HS6ST3: variants seen among roughly 807,000 people sequenced by gnomAD.
The protein encoded by HS6ST3 is heparan sulfate 6-O-sulfotransferase 3.
A neutral mutation model predicts 36.7 loss-of-function variants in HS6ST3; 12 were observed. The observed-to-expected ratio is 0.33, with a 90% CI of 0.21 to 0.53. The LOEUF (loss-of-function observed/expected upper bound fraction) is 0.53, where lower values mean the gene tolerates loss of function less well. Ranked by LOEUF, HS6ST3 falls within the 20% of genes least tolerant of loss-of-function variation. The probability of loss-of-function intolerance (pLI) is 0.95; values close to 1 mark genes in which losing one functional copy is unlikely to be tolerated. For missense variants in HS6ST3, 584 were observed against 640.9 expected (o/e 0.91, Z 0.96); for synonymous variants, 240 against 257.5 (o/e 0.93, Z 0.65).
intron 1 of HS6ST3, among the ~76,000 whole-genome samples, chr13:96,380,024 G>A (rs2055333355): frequency 6.6e-6 from 1 of 152,148 alleles, no homozygotes; most frequent in Non-Finnish European, 1.5e-5. Context: ...AAACTGCTTT[G>A]AGAGAAAGGC....
chr13:96,254,496 T>TATATATAC, intron 1 of HS6ST3, among the ~76,000 whole-genome samples: 1 of 21,892 alleles, frequency 4.6e-5, no homozygotes, highest in African/African-American at 1.7e-4. Flanking sequence ...TATATATATA[T>TATATATAC]ATACACATAC....
At chr13:96,217,562 T>C (rs927608821) in intron 1 of HS6ST3, among the ~76,000 whole-genome samples, 1 of 152,184 alleles carries the variant, frequency 6.6e-6, no homozygotes, top group African/African-American at 2.4e-5. Flanking sequence ...TCTCTCTCTC[T>C]GTCCATCCAT....
At chr13:96,141,873 T>C (rs2054033477) in intron 1 of HS6ST3, among the ~76,000 whole-genome samples, 1 of 152,014 alleles carries the variant, frequency 6.6e-6, no homozygotes, top group African/African-American at 2.4e-5. Context: ...TCTAGAAGGG[T>C]GACATCTTTG....
intron 1 of HS6ST3, among the ~76,000 whole-genome samples, chr13:96,664,454 A>G (rs914942866): frequency 1.3e-5 from 2 of 152,156 alleles, no homozygotes; most frequent in African/African-American, 4.8e-5. Context: ...TATCCAAGCC[A>G]ATATAGATCA....
At position 96,834,662 on chromosome 13, in the gene HS6ST3, A is replaced by G. The variant is rs1878882479; in HGVS notation, c.*1464A>G. The stretch of plus-strand genomic sequence containing the variant: ...CTGATCAATCCCTTCAAGGAGCTGA[A>G]GGCAAAATGTGTAAAACCCCTAAAT... On this transcript the variant is annotated 3_prime_UTR_variant, in exon 2 of 2. Transcript: ENST00000376705. 1 of 152,632 alleles carries G rather than the reference A, an allele frequency of 6.6e-6. No homozygotes were observed. The allele number at this position is 152,632 out of a possible 1,614,324, so 9.5% of individuals were successfully genotyped here. A position where few individuals can be genotyped will look rare whatever the true frequency, so the allele number is the denominator to read the frequency against.
At chr13:96,387,705 G>A (rs369847854) in intron 1 of HS6ST3, among the ~76,000 whole-genome samples, 47 of 152,162 alleles carry the variant, frequency 3.1e-4, no homozygotes, top group African/African-American at 1.1e-3. Flanking sequence ...TTACCCCAAG[G>A]CTGCAAATAT....
At chr13:96,226,555 A>C (rs2054481764) in intron 1 of HS6ST3, among the ~76,000 whole-genome samples, 3 of 152,166 alleles carry the variant, frequency 2.0e-5, no homozygotes, top group Admixed American at 2.0e-4. Context: ...AGAAATTAAG[A>C]CATTATAATA....
At chr13:96,257,287 G>A (rs2054641894) in intron 1 of HS6ST3, among the ~76,000 whole-genome samples, 1 of 152,152 alleles carries the variant, frequency 6.6e-6, no homozygotes, top group Admixed American at 6.5e-5. Context: ...TGCAGGAAAA[G>A]TTTAATTCCA....
chr13:96,534,332 G>A (rs1177420130), intron 1 of HS6ST3, among the ~76,000 whole-genome samples: 1 of 152,132 alleles, frequency 6.6e-6, no homozygotes, highest in African/African-American at 2.4e-5. Context: ...TATACTGGCT[G>A]TATTATTAAA....
intron 1 of HS6ST3, among the ~76,000 whole-genome samples, chr13:96,233,203 C>T (rs1348840016): frequency 1.3e-5 from 2 of 152,138 alleles, no homozygotes; most frequent in African/African-American, 4.8e-5. Flanking sequence ...TAACTTCCTG[C>T]CCTAAGTGGG....
chr13:96,677,852 CTTAT>C (rs1189478270), intron 1 of HS6ST3, among the ~76,000 whole-genome samples: 1 of 152,040 alleles, frequency 6.6e-6, no homozygotes, highest in Non-Finnish European at 1.5e-5. Flanking sequence ...AAAATGTTTA[CTTAT>C]TTATTGTTTC....
chr13:96,779,315 T>TCAA (rs1877469359), intron 1 of HS6ST3, among the ~76,000 whole-genome samples: 1 of 133,162 alleles, frequency 7.5e-6, no homozygotes, highest in African/African-American at 3.6e-5. Context: ...ACTTAAAGTA[T>TCAA]CAATAATAAT....
intron 1 of HS6ST3, among the ~76,000 whole-genome samples, chr13:96,380,123 C>G (rs1376267418): frequency 2.6e-5 from 4 of 152,180 alleles, no homozygotes; most frequent in Non-Finnish European, 5.9e-5. Context: ...CAGCAAGCAG[C>G]TCTCTGCTTC....
intron 1 of HS6ST3, among the ~76,000 whole-genome samples, chr13:96,194,902 A>G (rs1363179871): frequency 6.6e-6 from 1 of 152,130 alleles, no homozygotes; most frequent in Non-Finnish European, 1.5e-5. Context: ...ACAGTTATCT[A>G]TCATTTCTAT....
chr13:96,822,232 C>T (rs747006194), intron 1 of HS6ST3, among the ~76,000 whole-genome samples: 2 of 152,158 alleles, frequency 1.3e-5, no homozygotes, highest in Non-Finnish European at 2.9e-5. Context: ...GGTGGATACC[C>T]GCATGCATAA....
chr13:96,496,686 A>G (rs1459324145), intron 1 of HS6ST3, among the ~76,000 whole-genome samples: 4 of 152,204 alleles, frequency 2.6e-5, no homozygotes, highest in Non-Finnish European at 5.9e-5. Context: ...TGTGGAGGAG[A>G]AAATGCACAG....
At chr13:96,346,464 CA>C (rs1236936918) in intron 1 of HS6ST3, among the ~76,000 whole-genome samples, 52 of 151,670 alleles carry the variant, frequency 3.4e-4, no homozygotes, top group South Asian at 6.2e-4. Context: ...GTCCTAGCTA[CA>C]TTGGGAGGCT....
chr13:96,831,609 C>T (rs1014433705), intron 1 of HS6ST3, among the ~76,000 whole-genome samples: 18 of 152,144 alleles, frequency 1.2e-4, no homozygotes, highest in African/African-American at 1.9e-4. Context: ...CCACACCCAA[C>T]GCATCCTTCC....
At chr13:96,724,998 A>T (rs560538085) in intron 1 of HS6ST3, among the ~76,000 whole-genome samples, 1 of 152,320 alleles carries the variant, frequency 6.6e-6, no homozygotes, top group East Asian at 1.9e-4. Flanking sequence ...AGCATATGAG[A>T]GTTCCATTGC....
Sources: allele counts gnomAD v4.1 joint callset (sites outside exome capture counted in the v4.1 genomes callset), GRCh38; gene constraint gnomAD v4.1.1; transcripts MANE v1.5; gene names NCBI Gene and HGNC (gene_info 2026-07-23, HGNC 2026-07-21).